FREM1: variants seen among roughly 807,000 people sequenced by gnomAD.
FREM1 encodes the protein FRAS1-related extracellular matrix protein 1.
Under a neutral mutation model 210.1 loss-of-function variants are expected in FREM1, and 220 were observed. That is an observed-to-expected ratio of 1.05 (90% CI 0.94 to 1.17). FREM1 has a LOEUF of 1.17. FREM1 is among the 50% of genes most tolerant of loss of function. FREM1 has a pLI of 0.00. For missense variants in FREM1, 3,454 were observed against 2,675.5 expected (o/e 1.29, Z -6.42); for synonymous variants, 1,189 against 980.2 (o/e 1.21, Z -3.98).
chr9:14,750,023 T>A (rs1452596063), intron 30 of FREM1, 104 bp downstream of exon 30: 8 of 1,195,754 alleles, frequency 6.7e-6, no homozygotes, highest in Non-Finnish European at 8.5e-6. Context: ...GACAAGAAAT[T>A]AAGCATTTTG....
chr9:14,810,765 C>T (rs951950867), intron 16 of FREM1, among the ~76,000 whole-genome samples: 36 of 152,098 alleles, frequency 2.4e-4, no homozygotes, highest in African/African-American at 8.7e-4. Flanking sequence ...TATGTTACAA[C>T]ATAATTGCAA....
intron 2 of FREM1, among the ~76,000 whole-genome samples, chr9:14,864,207 A>G (rs1831106951): frequency 6.6e-6 from 1 of 152,206 alleles, no homozygotes; most frequent in Admixed American, 6.5e-5. Context: ...GAGTGCATTT[A>G]AAACATACTT....
At chr9:14,804,446 G>A (rs567194458) in intron 19 of FREM1, among the ~76,000 whole-genome samples, 1 of 152,132 alleles carries the variant, frequency 6.6e-6, no homozygotes, top group African/African-American at 2.4e-5. Flanking sequence ...TTAGCCGGGC[G>A]TGGTGGCGGG....
At chr9:14,773,832 T>C (rs1255025796) in intron 25 of FREM1, among the ~76,000 whole-genome samples, 1 of 152,036 alleles carries the variant, frequency 6.6e-6, no homozygotes, top group Non-Finnish European at 1.5e-5. Flanking sequence ...CTATGGAGTG[T>C]AGGAAGGAAC....
intron 36 of FREM1, among the ~76,000 whole-genome samples, chr9:14,739,484 T>TG (rs1841095278): frequency 6.9e-6 from 1 of 145,530 alleles, no homozygotes; most frequent in African/African-American, 2.5e-5. Flanking sequence ...ATAATTCATA[T>TG]ATATATATTC....
intron 27 of FREM1, among the ~76,000 whole-genome samples, chr9:14,764,200 C>T (rs751439380): frequency 2.8e-4 from 42 of 152,186 alleles, no homozygotes; most frequent in Non-Finnish European, 4.4e-4. Context: ...GTAAGACTTG[C>T]CTTTTGCCTT....
intron 10 of FREM1, among the ~76,000 whole-genome samples, chr9:14,828,122 A>G (rs1822826308): frequency 6.6e-6 from 1 of 152,166 alleles, no homozygotes; most frequent in Non-Finnish European, 1.5e-5. Flanking sequence ...GAGACCACCA[A>G]TGTGCAACGC....
At chr9:14,857,002 G>A (rs1385242643) in intron 5 of FREM1, among the ~76,000 whole-genome samples, 1 of 152,082 alleles carries the variant, frequency 6.6e-6, no homozygotes, top group Non-Finnish European at 1.5e-5. Flanking sequence ...AGATCAATAG[G>A]AGAAAAACAA....
At chr9:14,825,050 T>C (rs565065331) in intron 10 of FREM1, 58 bp from the exon 11 acceptor site, 10 of 1,184,764 alleles carry the variant, frequency 8.4e-6, no homozygotes, top group African/African-American at 1.6e-5. Flanking sequence ...ACAAAGAAAA[T>C]GCCCCACAAT....
intron 29 of FREM1, among the ~76,000 whole-genome samples, chr9:14,753,449 C>T (rs994136394): frequency 6.6e-6 from 1 of 152,122 alleles, no homozygotes; most frequent in African/African-American, 2.4e-5. Flanking sequence ...TTTTTATATC[C>T]ACTCAAGACT....
At chr9:14,874,121 G>C (rs2131975220) in intron 1 of FREM1, among the ~76,000 whole-genome samples, 1 of 152,226 alleles carries the variant, frequency 6.6e-6, no homozygotes, top group Non-Finnish European at 1.5e-5. Flanking sequence ...GTGTGGTGTG[G>C]TGCTGAAAAA....
At position 14,750,268 on chromosome 9, in the gene FREM1, TTGACATTCCTACAAGAAGTA is replaced by T; in HGVS notation, c.5408-12_5415del. Reference sequence around the variant, plus strand: ...GTAATTGCTATATTCCACATCTTAGTTGACATTCCTACAAGAAGTAAACATTTTAATTACTCTTTAATTGC... The same window carrying T: ...GTAATTGCTATATTCCACATCTTAGTAACATTTTAATTACTCTTTAATTGC... On this transcript the variant is annotated splice_acceptor_variant and splice_polypyrimidine_tract_variant and coding_sequence_variant and intron_variant, in exon 30 of 37. Coordinates refer to ENST00000380880, the MANE Select transcript of FREM1 (RefSeq NM_001379081.2). LOFTEE classifies it high-confidence loss of function. The T allele has an allele frequency of 6.2e-7, 1 of 1,608,514 alleles. No homozygotes were observed. The highest frequency in any genetic ancestry group is 1.3e-5 in the African/African-American group (1 of 74,912).
intron 1 of FREM1, among the ~76,000 whole-genome samples, chr9:14,898,058 G>A (rs1304611710): frequency 1.3e-5 from 2 of 152,208 alleles, no homozygotes; most frequent in Non-Finnish European, 2.9e-5. Context: ...AAAGGAGGAT[G>A]AGAGAGTTTA....
At chr9:14,738,770 G>A (rs1840874520) in intron 36 of FREM1, among the ~76,000 whole-genome samples, 2 of 152,050 alleles carry the variant, frequency 1.3e-5, no homozygotes, top group African/African-American at 4.8e-5. Context: ...AGCATTTTGG[G>A]AGACCGAGGC....
At chr9:14,890,793 G>A (rs979300747) in intron 1 of FREM1, among the ~76,000 whole-genome samples, 2 of 152,134 alleles carry the variant, frequency 1.3e-5, no homozygotes, top group African/African-American at 4.8e-5. Flanking sequence ...ACTGATTGCA[G>A]AGGGAAAAAA....
chr9:14,842,345 A>G lies in FREM1; in HGVS notation c.1709T>C (p.Ile570Thr), dbSNP rs1825835780. 1.9e-6 allele frequency: 3 copies of G among 1,596,100 alleles called. No individual in the cohort carries two copies. The highest frequency in any genetic ancestry group is 2.6e-6 in the Non-Finnish European group (3 of 1,169,698). The change falls in exon 9 of 37, where the codon ATC becomes ACC. Residue 570 changes from isoleucine (I) to threonine (T), a missense_variant. Physicochemically the swap from Ile to Thr is moderately conservative, Grantham distance 89. Transcript: ENST00000380880. ...CAGTCCTGGCCCTGGCTTCTTCATG[A>G]TCTCCCCAGCCTGTGGAGGCTTTGT... ...NITKPPQAGE[I>T]MKKPGPGLIG...
In FREM1 at chr9:14,768,050, A is replaced by T. The variant is rs542488496; in HGVS notation, c.5204+1674T>A. Reference sequence around the variant, plus strand: ...AATTCTCATATGAATTTGAGAGTATATTTAAAAATATAAATCATCTTCCAA... The same window carrying T: ...AATTCTCATATGAATTTGAGAGTATTTTTAAAAATATAAATCATCTTCCAA... On this transcript the variant is annotated intron_variant, in intron 27 of 36. Transcript: ENST00000380880. Among the ~76,000 whole-genome samples the T allele has an allele frequency of 2.2e-3, 328 of 152,298 alleles. 1 individual carries two copies. Among genetic ancestry groups the T allele is most frequent in the African/African-American group, 7.6e-3 (316 of 41,570 alleles).
chr9:14,897,707 C>T (rs755621485), intron 1 of FREM1, among the ~76,000 whole-genome samples: 1 of 152,062 alleles, frequency 6.6e-6, no homozygotes, highest in Non-Finnish European at 1.5e-5. Context: ...CCTCCCACCT[C>T]AGCTTCCTGA....
At chr9:14,798,994 A>C (rs1300433577) in intron 20 of FREM1, among the ~76,000 whole-genome samples, 1 of 151,976 alleles carries the variant, frequency 6.6e-6, no homozygotes, top group Admixed American at 6.6e-5. Context: ...AAAAGTAAGA[A>C]GAGGCCAGTT....
Sources: gnomAD v4.1 joint callset for allele counts (sites outside exome capture counted in the v4.1 genomes callset) on GRCh38, gnomAD v4.1.1 for gene constraint, MANE v1.5 for transcripts, NCBI Gene and HGNC (gene_info 2026-07-23, HGNC 2026-07-21) for gene names.